Variants in RB1 observed in about 807,000 individuals in gnomAD.
RB1 encodes retinoblastoma-associated protein.
Under a neutral mutation model 135.4 loss-of-function variants are expected in RB1, and 18 were observed. The observed-to-expected ratio is 0.13, with a 90% CI of 0.09 to 0.20. The LOEUF (loss-of-function observed/expected upper bound fraction) is 0.20. Ranked by LOEUF, RB1 falls within the 10% of genes least tolerant of loss-of-function variation. RB1 has a pLI of 1.00. For missense variants in RB1, 868 were observed against 1,110.0 expected, an observed-to-expected ratio of 0.78 and a Z score of 3.10; for synonymous variants, 365 against 373.2, an observed-to-expected ratio of 0.98 and a Z score of 0.25.
intron 2 of RB1, chr13:48,317,522 C>T (rs1053488360): frequency 1.4e-5 from 6 of 442,286 alleles, no homozygotes; most frequent in Admixed American, 1.1e-4. Flanking sequence ...CCAGCACCTC[C>T]GGCCTCGGTG....
At chr13:48,441,862 T>C (rs550918963) in intron 17 of RB1, among the ~76,000 whole-genome samples, 4 of 152,318 alleles carry the variant, frequency 2.6e-5, no homozygotes, top group African/African-American at 9.6e-5. Flanking sequence ...TAAAAATGAC[T>C]TTAATTTTGA....
chr13:48,307,512 A>G lies in RB1; in HGVS notation c.264+106A>G, dbSNP rs577038056. The G allele has an allele frequency of 3.1e-4, 373 of 1,192,946 alleles. 6 individuals carry two copies. The South Asian group carries it at 4.9e-3, about 16-fold the overall frequency. The allele number at this position is 1,192,946 out of a possible 1,614,324, so 73.9% of individuals were successfully genotyped here. ...GATAGAAAAATATAAAGACAATAAAAGCTAATAATAATTCCATTACCCAGA... is the reference window on the plus strand; with the variant it reads ...GATAGAAAAATATAAAGACAATAAAGGCTAATAATAATTCCATTACCCAGA... On this transcript the variant is annotated intron_variant, in intron 2 of 26. Transcript: ENST00000267163.
chr13:48,456,391 A>G, intron 19 of RB1, 42 bp downstream of exon 19: 2 of 1,607,206 alleles, frequency 1.2e-6, no homozygotes, highest in Non-Finnish European at 1.7e-6. Flanking sequence ...CTCTGAAACT[A>G]GGCTGACTGG....
chr13:48,318,166 T>C (rs1952202324), intron 2 of RB1: 4 of 539,484 alleles, frequency 7.4e-6, no homozygotes, highest in Non-Finnish European at 1.3e-5. Context: ...TTCTCTGCCA[T>C]ACTGCCACAG....
intron 2 of RB1, among the ~76,000 whole-genome samples, chr13:48,314,535 C>T (rs980372086): frequency 2.6e-5 from 4 of 152,116 alleles, no homozygotes; most frequent in South Asian, 2.1e-4. Context: ...CACGGAGGCT[C>T]ACGCCTGTAA....
chr13:48,307,699 CAA>C (rs11452683), intron 2 of RB1, among the ~76,000 whole-genome samples: 1 of 129,680 alleles, frequency 7.7e-6, no homozygotes, highest in Non-Finnish European at 1.6e-5. Context: ...TACTAAAATA[CAA>C]AAAAAAAAAA....
chr13:48,384,531 T>A (rs1354342985), intron 17 of RB1, among the ~76,000 whole-genome samples: 1 of 152,130 alleles, frequency 6.6e-6, no homozygotes, highest in Non-Finnish European at 1.5e-5. Flanking sequence ...ATTGAACACA[T>A]CCGTGTAAAC....
intron 2 of RB1, among the ~76,000 whole-genome samples, chr13:48,322,281 C>T (rs1593423674): frequency 6.6e-6 from 1 of 152,242 alleles, no homozygotes; most frequent in South Asian, 2.1e-4. Flanking sequence ...ATATATACTA[C>T]ATTTTGTTTA....
At chr13:48,361,782 A>C (rs997664883) in intron 7 of RB1, among the ~76,000 whole-genome samples, 5 of 151,672 alleles carry the variant, frequency 3.3e-5, no homozygotes, top group African/African-American at 1.2e-4. Flanking sequence ...CTTGTAATTT[A>C]TTTTTTAAAT....
intron 17 of RB1, among the ~76,000 whole-genome samples, chr13:48,417,795 T>G (rs1391300567): frequency 1.3e-5 from 2 of 152,072 alleles, no homozygotes; most frequent in Non-Finnish European, 2.9e-5. Context: ...AAGATCACCT[T>G]TATGAAATAA....
intron 2 of RB1, among the ~76,000 whole-genome samples, chr13:48,331,429 A>G (rs1371306390): frequency 6.6e-6 from 1 of 152,194 alleles, no homozygotes; most frequent in Admixed American, 6.5e-5. Context: ...TGCCTTTATG[A>G]ATGGATCAAT....
intron 13 of RB1, among the ~76,000 whole-genome samples, chr13:48,378,469 T>G (rs1051854997): frequency 2.6e-5 from 4 of 152,092 alleles, no homozygotes; most frequent in Admixed American, 6.6e-5. Context: ...CCAAATTCTG[T>G]CCCAAGTCTT....
chr13:48,375,477 GTT>G (rs1316722658), intron 12 of RB1, among the ~76,000 whole-genome samples: 1 of 137,096 alleles, frequency 7.3e-6, no homozygotes, highest in Non-Finnish European at 1.6e-5. Flanking sequence ...TTTGTGTGCT[GTT>G]TTTTTTTTTT....
At chr13:48,379,481 G>A (rs1948512468) in intron 13 of RB1, 113 bp from the exon 14 acceptor site, 1 of 1,394,236 alleles carries the variant, frequency 7.2e-7, no homozygotes. Flanking sequence ...GCCCAGGAGT[G>A]TGAAGGCCAG....
intron 17 of RB1, among the ~76,000 whole-genome samples, chr13:48,392,595 G>T (rs1948619339): frequency 6.6e-6 from 1 of 151,486 alleles, no homozygotes; most frequent in African/African-American, 2.4e-5. Flanking sequence ...ATTTGATTTG[G>T]GTCCTTTTTA....
At chr13:48,375,377 T>TA in intron 12 of RB1, among the ~76,000 whole-genome samples, 1 of 152,110 alleles carries the variant, frequency 6.6e-6, no homozygotes, top group South Asian at 2.1e-4. Flanking sequence ...TCCCTCCATG[T>TA]AAAATCTTAG....
At chr13:48,341,839 AGTT>A (rs1952445331) in intron 2 of RB1, among the ~76,000 whole-genome samples, 1 of 152,018 alleles carries the variant, frequency 6.6e-6, no homozygotes, top group African/African-American at 2.4e-5. Context: ...GTAAGTAAAT[AGTT>A]CCAACTATTT....
intron 2 of RB1, among the ~76,000 whole-genome samples, chr13:48,325,464 G>A (rs1952279440): frequency 1.3e-5 from 2 of 152,122 alleles, no homozygotes; most frequent in African/African-American, 4.8e-5. Context: ...GTCATCATCA[G>A]TAATTTTGGA....
intron 2 of RB1, among the ~76,000 whole-genome samples, chr13:48,313,187 C>T (rs1183024407): frequency 6.6e-6 from 1 of 151,884 alleles, no homozygotes; most frequent in African/African-American, 2.4e-5. Context: ...TTGGAATACC[C>T]TTCTTTTTTC....
Sources: allele counts gnomAD v4.1 joint callset (sites outside exome capture counted in the v4.1 genomes callset), GRCh38; gene constraint gnomAD v4.1.1; transcripts MANE v1.5; gene names NCBI Gene and HGNC (gene_info 2026-07-23, HGNC 2026-07-21).